Variants in SLC30A8 observed in about 807,000 individuals in gnomAD.
SLC30A8 encodes proton-coupled zinc antiporter SLC30A8.
Under a neutral mutation model 36.9 loss-of-function variants are expected in SLC30A8, and 27 were observed. The observed-to-expected ratio is 0.73, with a 90% CI of 0.54 to 1.01. The LOEUF (loss-of-function observed/expected upper bound fraction) is 1.01, where lower values mean the gene tolerates loss of function less well. Among genes scored for constraint, SLC30A8 ranks in the 50% least tolerant of loss-of-function variants. The pLI, the probability that SLC30A8 is intolerant of heterozygous loss-of-function variation, is 0.00. For synonymous variants in SLC30A8, 164 were observed against 172.4 expected, an observed-to-expected ratio of 0.95 and a Z score of 0.38; for missense variants, 439 against 452.0, an observed-to-expected ratio of 0.97 and a Z score of 0.26.
chr8:116,976,506 C>T (rs1004037287), intron 1 of SLC30A8, among the ~76,000 whole-genome samples: 1 of 152,142 alleles, frequency 6.6e-6, no homozygotes, highest in African/African-American at 2.4e-5. Context: ...GTTCTGATCC[C>T]TAAGGAATCC....
intron 2 of SLC30A8, among the ~76,000 whole-genome samples, chr8:117,117,891 G>T (rs974906714): frequency 1.3e-5 from 2 of 151,886 alleles, no homozygotes; most frequent in African/African-American, 4.8e-5. Flanking sequence ...TCTTTGCAGA[G>T]GCCTAGTTTG....
chr8:117,059,554 C>T (rs1368008798), intron 2 of SLC30A8, among the ~76,000 whole-genome samples: 1 of 152,200 alleles, frequency 6.6e-6, no homozygotes, highest in African/African-American at 2.4e-5. Context: ...ACATCTTGAC[C>T]TTCCTACACC....
At chr8:116,983,049 A>G (rs1815330043) in intron 1 of SLC30A8, among the ~76,000 whole-genome samples, 1 of 152,204 alleles carries the variant, frequency 6.6e-6, no homozygotes, top group Non-Finnish European at 1.5e-5. Flanking sequence ...CTACCTTTCA[A>G]ACCATTTTGA....
At chr8:117,101,053 T>C (rs1367927655) in intron 2 of SLC30A8, among the ~76,000 whole-genome samples, 2 of 152,092 alleles carry the variant, frequency 1.3e-5, no homozygotes, top group Non-Finnish European at 2.9e-5. Context: ...TGATGACGAG[T>C]GAATGATAGA....
intron 1 of SLC30A8, among the ~76,000 whole-genome samples, chr8:117,032,891 TAA>T (rs1178864382): frequency 1.6e-4 from 23 of 141,250 alleles, no homozygotes; most frequent in Admixed American, 2.1e-4. Flanking sequence ...ACTCTGTCTT[TAA>T]AAAAAAAAAA....
intron 1 of SLC30A8, among the ~76,000 whole-genome samples, chr8:117,002,334 A>G (rs930350021): frequency 6.6e-6 from 1 of 152,190 alleles, no homozygotes; most frequent in Non-Finnish European, 1.5e-5. Flanking sequence ...TCTAGCCCTC[A>G]ATGGAATTCT....
At chr8:117,096,206 T>G (rs1819355690) in intron 2 of SLC30A8, among the ~76,000 whole-genome samples, 1 of 152,202 alleles carries the variant, frequency 6.6e-6, no homozygotes, top group Non-Finnish European at 1.5e-5. Context: ...ACTCGTTTTC[T>G]CTGCAGAAGG....
chr8:117,015,957 G>A (rs745952869), intron 1 of SLC30A8, among the ~76,000 whole-genome samples: 1 of 152,162 alleles, frequency 6.6e-6, no homozygotes, highest in Non-Finnish European at 1.5e-5. Flanking sequence ...CAAATGACAG[G>A]TGTGTCTAAT....
chr8:117,170,740 TAAAG>T (rs1206743091), intron 6 of SLC30A8, among the ~76,000 whole-genome samples: 1 of 152,168 alleles, frequency 6.6e-6, no homozygotes, highest in Non-Finnish European at 1.5e-5. Context: ...AGAGTGTATA[TAAAG>T]ATAGTTGGAA....
At chr8:116,988,405 A>G (rs947740138) in intron 1 of SLC30A8, among the ~76,000 whole-genome samples, 2 of 152,004 alleles carry the variant, frequency 1.3e-5, no homozygotes, top group Non-Finnish European at 2.9e-5. Flanking sequence ...TTGCATGGAC[A>G]ACTCCTTTTC....
chr8:116,969,312 G>A (rs997519570), intron 1 of SLC30A8, among the ~76,000 whole-genome samples: 3 of 152,128 alleles, frequency 2.0e-5, no homozygotes, highest in African/African-American at 7.2e-5. Context: ...CAGCTATTCG[G>A]GAGGCTGAGG....
At chr8:117,145,782 T>A (rs1442561677) in intron 1 of SLC30A8, among the ~76,000 whole-genome samples, 1 of 152,152 alleles carries the variant, frequency 6.6e-6, no homozygotes, top group Non-Finnish European at 1.5e-5. Flanking sequence ...ATATTTGACC[T>A]CAGGCAATTA....
In SLC30A8 at chr8:117,172,654, C is replaced by T; in HGVS notation, c.1083C>T (p.Cys361=). ...CTCCAGTTGACCAGGACCCCGACTG[C>T]CTTTTCTGTGAAGACCCCTGTGACT... ...MESPVDQDPD[C]LFCEDPCD The change falls in exon 8 of 8, where the codon TGC becomes TGT. Residue 361 remains cysteine (C), a synonymous_variant. Transcript: ENST00000456015. 1.2e-6 allele frequency: 2 copies of T among 1,613,696 alleles called. No individual in the cohort carries two copies. The highest frequency in any genetic ancestry group is 1.7e-6 in the Non-Finnish European group (2 of 1,179,684).
intron 2 of SLC30A8, among the ~76,000 whole-genome samples, chr8:117,082,102 A>G (rs1011581440): frequency 4.9e-4 from 74 of 152,212 alleles, no homozygotes; most frequent in African/African-American, 1.8e-3. Flanking sequence ...TATTAACTGT[A>G]ATTGGTTCCA....
intron 2 of SLC30A8, among the ~76,000 whole-genome samples, chr8:117,113,914 G>T (rs1820335723): frequency 6.6e-6 from 1 of 152,064 alleles, no homozygotes; most frequent in South Asian, 2.1e-4. Flanking sequence ...GAAGACATGG[G>T]TAGATTTATA....
rs12549895 is a variant in SLC30A8, at chr8:117,008,766, C to T, written c.-265-30453C>T. On this transcript the variant is annotated intron_variant, in intron 1 of 10. Coordinates refer to the SLC30A8 transcript ENST00000427715. ...GCTTCAGGTCATGCTTTGTGTAGCC[C>T]AGTGTTGCCTTCAGCCCCAGAGCCT... Among the ~76,000 whole-genome samples, 2,512 of 152,244 alleles carry T rather than the reference C, an allele frequency of 0.016. 93 individuals are homozygous for T. The East Asian group carries it at 0.17, about 10-fold the overall frequency.
chr8:117,112,554 C>T (rs1271061386), intron 2 of SLC30A8, among the ~76,000 whole-genome samples: 1 of 152,072 alleles, frequency 6.6e-6, no homozygotes, highest in Non-Finnish European at 1.5e-5. Context: ...CGGAGAGAGA[C>T]TGGGACAACT....
At chr8:117,110,873 T>G (rs1820198363) in intron 2 of SLC30A8, among the ~76,000 whole-genome samples, 1 of 152,108 alleles carries the variant, frequency 6.6e-6, no homozygotes, top group Non-Finnish European at 1.5e-5. Context: ...CTTTCTTGCT[T>G]TACAGAGGAG....
At chr8:117,167,719 A>G (rs1234988909) in intron 6 of SLC30A8, among the ~76,000 whole-genome samples, 1 of 151,290 alleles carries the variant, frequency 6.6e-6, no homozygotes. Flanking sequence ...ACAATGATGT[A>G]ATTACTATAA....
Sources: allele counts gnomAD v4.1 joint callset (sites outside exome capture counted in the v4.1 genomes callset), GRCh38; gene constraint gnomAD v4.1.1; transcripts MANE v1.5; gene names NCBI Gene and HGNC (gene_info 2026-07-23, HGNC 2026-07-21).